The following WAC variants were observed in gnomAD, a reference collection of about 807,000 sequenced individuals.
WAC encodes the protein WW domain-containing adapter protein with coiled-coil.
In WAC, 11 loss-of-function variants were observed where a neutral mutation model predicts 79.6. The observed-to-expected ratio is 0.14, with a 90% CI of 0.09 to 0.23. WAC has a LOEUF of 0.23. WAC is among the 10% of genes least tolerant of loss of function. The probability of loss-of-function intolerance (pLI) is 1.00; values close to 1 mark genes in which losing one functional copy is unlikely to be tolerated. For synonymous variants in WAC, 304 were observed against 276.9 expected (o/e 1.10, Z -0.97); for missense variants, 728 against 773.5 (o/e 0.94, Z 0.70).
At chr10:28,557,243 A>G (rs1282163740) in intron 3 of WAC, among the ~76,000 whole-genome samples, 1 of 152,190 alleles carries the variant, frequency 6.6e-6, no homozygotes, top group African/African-American at 2.4e-5. Flanking sequence ...TGACTAATAA[A>G]CTGTTAGGCA....
chr10:28,590,311 C>CAAAAAAAAAAAAAAAAAAAAAAAAAA (rs34562281), intron 5 of WAC, among the ~76,000 whole-genome samples: 1 of 103,384 alleles, frequency 9.7e-6, no homozygotes, highest in Admixed American at 1.0e-4. Context: ...GATGCTATCT[C>CAAAAAAAAAAAAAAAAAAAAAAAAAA]AAAAAAAAAA....
At chr10:28,542,517 A>G (rs1049167974) in intron 3 of WAC, among the ~76,000 whole-genome samples, 1 of 152,270 alleles carries the variant, frequency 6.6e-6, no homozygotes, top group Non-Finnish European at 1.5e-5. Context: ...TGGTTAAAGA[A>G]TAACACCGCA....
chr10:28,572,168 C>T (rs1169883222), intron 3 of WAC, among the ~76,000 whole-genome samples: 2 of 97,588 alleles, frequency 2.0e-5, no homozygotes, highest in Non-Finnish European at 4.1e-5. Context: ...GAAACCCCAT[C>T]TCTACTAAAA....
intron 3 of WAC, among the ~76,000 whole-genome samples, chr10:28,559,479 A>G (rs1021062577): frequency 2.6e-5 from 4 of 152,092 alleles, no homozygotes; most frequent in Non-Finnish European, 5.9e-5. Context: ...TAAGAAGGAA[A>G]CGGAGGCAAA....
Position 28,535,592 on chromosome 10 carries a change from A to G in WAC, c.109A>G (p.Ser37Gly), listed in dbSNP as rs113333517. Reference sequence around the variant, plus strand: ...TAAGTATTCATCGAAGAGTCACCCCAGTAGCGGTGATCACAGACATGAAAA... The same window carrying G: ...TAAGTATTCATCGAAGAGTCACCCCGGTAGCGGTGATCACAGACATGAAAA... ...ALKYSSKSHP[S>G]SGDHRHEKMR... Residue 37 changes from serine to glycine, a missense_variant, in exon 3 of 14, where the codon AGT (serine) becomes GGT (glycine). Transcript: ENST00000354911. 1.9e-6 allele frequency: 3 copies of G among 1,613,844 alleles called. No individual in the cohort carries two copies. The highest frequency in any genetic ancestry group is 2.5e-6 in the Non-Finnish European group (3 of 1,179,918).
rs1469186726 is a variant in WAC, at chr10:28,556,304, TTA to T, written c.274+20548_274+20549del. On this transcript the variant is annotated intron_variant, in intron 3 of 13. Transcript: ENST00000354911. The stretch of plus-strand genomic sequence containing the variant: ...TGCAGTTTGATTTGCATTTCTCTGA[TTA>T]GTGATACTAAGCACTTTTTAATATA... Among the ~76,000 whole-genome samples the T allele has an allele frequency of 3.4e-4, 52 of 152,020 alleles. No individual in the cohort carries two copies. In the East Asian group the frequency reaches 6.6e-3, roughly 19 times the overall value.
chr10:28,606,473 C>G (rs1840957576), intron 7 of WAC, among the ~76,000 whole-genome samples: 1 of 152,072 alleles, frequency 6.6e-6, no homozygotes, highest in South Asian at 2.1e-4. Flanking sequence ...AAGTGTATAC[C>G]CTTACGCAAA....
Position 28,583,489 on chromosome 10 carries a change from G to A in WAC, c.365G>A (p.Ser122Asn), listed in dbSNP as rs1157470533. Residue 122 changes from serine (S) to asparagine (N), a missense_variant, in exon 4 of 14, where the codon AGC becomes AAC. Around this residue, in one of 3 missense-constraint regions of WAC, gnomAD observed 648 missense variants for 661.5 expected, o/e 0.98. Coordinates refer to ENST00000354911, the MANE Select transcript of WAC (RefSeq NM_016628.5). ...TCTTCTAATCCAAGCAATAACCCAA[G>A]CAAAACTTCAGATGCAGTAAGTATT... ...SHSSNPSNNP[S>N]KTSDAPYDSA... 17 of 1,554,196 alleles carry A rather than the reference G, an allele frequency of 1.1e-5. No individual in the cohort carries two copies. The highest frequency in any genetic ancestry group is 4.8e-5 in the South Asian group (4 of 83,430).
intron 11 of WAC, 94 bp from the exon 12 acceptor site, chr10:28,616,079 T>G (rs938703036): frequency 1.9e-6 from 2 of 1,034,910 alleles, no homozygotes; most frequent in Admixed American, 5.5e-5. Flanking sequence ...TTGGATATCT[T>G]TAAGTTAATA....
chr10:28,605,877 C>T (rs1424653254), intron 7 of WAC, among the ~76,000 whole-genome samples: 1 of 152,018 alleles, frequency 6.6e-6, no homozygotes, highest in Non-Finnish European at 1.5e-5. Flanking sequence ...GATATTAATA[C>T]TAGTTTAATT....
chr10:28,574,063 T>C (rs538867747), intron 3 of WAC, among the ~76,000 whole-genome samples: 10 of 152,374 alleles, frequency 6.6e-5, no homozygotes, highest in South Asian at 2.1e-4. Context: ...CTAAATGATA[T>C]TCTGTTGCAT....
At chr10:28,612,975 A>G (rs1356615365) in intron 10 of WAC, among the ~76,000 whole-genome samples, 3 of 152,166 alleles carry the variant, frequency 2.0e-5, no homozygotes, top group African/African-American at 7.2e-5. Flanking sequence ...TCACTTGTAA[A>G]CTGAGCATTT....
At chr10:28,611,307 A>G (rs1841227864) in intron 9 of WAC, 1 of 1,292,780 alleles carries the variant, frequency 7.7e-7, no homozygotes, top group African/African-American at 1.5e-5. Context: ...ATAGGAGCAA[A>G]TGGGAAGTGA....
At chr10:28,611,486 G>A in intron 9 of WAC, 1 of 1,369,730 alleles carries the variant, frequency 7.3e-7, no homozygotes, top group Non-Finnish European at 9.6e-7. Context: ...AGGATGGTGA[G>A]GAGGCCTTCC....
At chr10:28,564,509 CAA>C (rs1457227572) in intron 3 of WAC, among the ~76,000 whole-genome samples, 1 of 152,058 alleles carries the variant, frequency 6.6e-6, no homozygotes, top group Non-Finnish European at 1.5e-5. Context: ...GGAGCAGTGA[CAA>C]AAGAACATCC....
chr10:28,595,898 C>T lies in WAC; in HGVS notation c.776C>T (p.Thr259Ile). ...AAACCAGTGGTTCATCCAACTGCTA[C>T]CCCAAGCACTGTTCCTTCTAGTCCA... ...PIKPVVHPTA[T>I]PSTVPSSPFT... The change falls in exon 7 of 14, where the codon ACC becomes ATC. Residue 259 changes from threonine (T) to isoleucine (I), a missense_variant. Coordinates refer to ENST00000354911, the MANE Select transcript of WAC (RefSeq NM_016628.5). 1.2e-6 allele frequency: 2 copies of T among 1,614,174 alleles called. No homozygotes were observed. The highest frequency in any genetic ancestry group is 1.7e-6 in the Non-Finnish European group (2 of 1,180,020).
chr10:28,571,564 ATCT>A (rs1838967363), intron 3 of WAC, among the ~76,000 whole-genome samples: 1 of 152,186 alleles, frequency 6.6e-6, no homozygotes, highest in South Asian at 2.1e-4. Flanking sequence ...CCAAGTTGAA[ATCT>A]TCTGTGTGAG....
intron 3 of WAC, among the ~76,000 whole-genome samples, chr10:28,558,912 A>G (rs1280166663): frequency 1.3e-5 from 2 of 152,210 alleles, no homozygotes; most frequent in East Asian, 3.8e-4. Flanking sequence ...AATATCAGAA[A>G]ATCCTAGAAT....
intron 7 of WAC, among the ~76,000 whole-genome samples, chr10:28,599,085 ATAT>A (rs1840514638): frequency 7.0e-6 from 1 of 141,948 alleles, no homozygotes; most frequent in South Asian, 2.2e-4. Context: ...TCCATTTGAC[ATAT>A]TTTTTTTCTC....
Sources: allele counts gnomAD v4.1 joint callset (sites outside exome capture counted in the v4.1 genomes callset), GRCh38; gene constraint gnomAD v4.1.1; regional missense constraint gnomAD v4.1.1; transcripts MANE v1.5; gene names NCBI Gene and HGNC (gene_info 2026-07-23, HGNC 2026-07-21).